Variants in DNAI7 observed in about 807,000 individuals in gnomAD.
The protein encoded by DNAI7 is cancer susceptibility 1.
A neutral mutation model predicts 86.6 loss-of-function variants in DNAI7; 78 were observed. That is an observed-to-expected ratio of 0.90 (90% CI 0.75 to 1.09). The LOEUF (loss-of-function observed/expected upper bound fraction) is 1.09. DNAI7 is among the 50% of genes least tolerant of loss of function. The probability of loss-of-function intolerance (pLI) is 0.00; values close to 1 mark genes in which losing one functional copy is unlikely to be tolerated. For missense variants in DNAI7, 753 were observed against 810.2 expected (o/e 0.93, Z 0.86); for synonymous variants, 274 against 273.0 (o/e 1.00, Z -0.04).
At chr12:25,113,456 C>T (rs187699865) in intron 13 of DNAI7, among the ~76,000 whole-genome samples, 1 of 152,194 alleles carries the variant, frequency 6.6e-6, no homozygotes, top group East Asian at 1.9e-4. Flanking sequence ...CGTGTGCCAC[C>T]ATGCCTGGCT....
chr12:25,108,933 G>A (rs548587822), intron 15 of DNAI7, 110 bp from the exon 16 acceptor site: 3 of 664,252 alleles, frequency 4.5e-6, no homozygotes, highest in African/African-American at 1.8e-5. Flanking sequence ...AATTGCAAAG[G>A]TTAAAAGAAA....
At chr12:25,172,382 A>ATTT (rs1948237861) in intron 2 of DNAI7, among the ~76,000 whole-genome samples, 1 of 152,184 alleles carries the variant, frequency 6.6e-6, no homozygotes, top group Non-Finnish European at 1.5e-5. Flanking sequence ...ATACTTAGGA[A>ATTT]TATACCTAAC....
At chr12:25,158,097 C>T (rs1235702315) in intron 4 of DNAI7, among the ~76,000 whole-genome samples, 2 of 152,048 alleles carry the variant, frequency 1.3e-5, no homozygotes, top group African/African-American at 4.8e-5. Flanking sequence ...GGTGTGGTGG[C>T]AGGCACCTGT....
At chr12:25,146,958 T>C (rs1944921470) in intron 8 of DNAI7, 43 bp downstream of exon 8, 1 of 999,468 alleles carries the variant, frequency 1.0e-6, no homozygotes, top group East Asian at 2.4e-5. Context: ...TGGCTCAATG[T>C]CTTTCTTTCC....
intron 11 of DNAI7, among the ~76,000 whole-genome samples, chr12:25,120,317 G>GGGGAGAGAGAGA (rs1555156524): frequency 1.2e-5 from 1 of 80,766 alleles, no homozygotes; most frequent in Admixed American, 1.6e-4. Context: ...GCAGGAAGAG[G>GGGGAGAGAGAGA]GAGAGAGAGA....
chr12:25,117,710 T>C (rs1321967617), intron 12 of DNAI7, among the ~76,000 whole-genome samples: 2 of 152,148 alleles, frequency 1.3e-5, no homozygotes, highest in Non-Finnish European at 2.9e-5. Context: ...TAATGTCCCA[T>C]GGCTCAAAAA....
chr12:25,154,484 A>C, intron 5 of DNAI7, 28 bp from the exon 6 acceptor site: 1 of 1,585,130 alleles, frequency 6.3e-7, no homozygotes, highest in Non-Finnish European at 8.5e-7. Flanking sequence ...TTAAAGGTTC[A>C]CATTGATGAA....
At chr12:25,120,488 C>T (rs1592230243) in intron 11 of DNAI7, among the ~76,000 whole-genome samples, 1 of 151,756 alleles carries the variant, frequency 6.6e-6, no homozygotes. Context: ...TTTGGGAGGC[C>T]GAGGCGGGCG....
At chr12:25,194,357 G>A (rs1227587547) in intron 1 of DNAI7, among the ~76,000 whole-genome samples, 2 of 152,040 alleles carry the variant, frequency 1.3e-5, no homozygotes, top group African/African-American at 2.4e-5. Flanking sequence ...GGTATTCTTG[G>A]CTTCTAGCCC....
chr12:25,120,494 G>A (rs1941100508), intron 11 of DNAI7, among the ~76,000 whole-genome samples: 2 of 152,094 alleles, frequency 1.3e-5, no homozygotes, highest in South Asian at 2.1e-4. Context: ...AGGCCGAGGC[G>A]GGCGGATCAC....
chr12:25,174,626 G>GAAT (rs1948724900), intron 2 of DNAI7, among the ~76,000 whole-genome samples: 1 of 74,446 alleles, frequency 1.3e-5, no homozygotes, highest in African/African-American at 6.3e-5. Flanking sequence ...ATATATATGG[G>GAAT]ATATATATCA....
At chr12:25,129,644 C>T (rs1243901123) in intron 9 of DNAI7, among the ~76,000 whole-genome samples, 3 of 152,188 alleles carry the variant, frequency 2.0e-5, no homozygotes, top group Non-Finnish European at 4.4e-5. Flanking sequence ...AGAATAACTT[C>T]CTTTCCTTCC....
At chr12:25,130,507 G>A (rs190424289) in intron 9 of DNAI7, among the ~76,000 whole-genome samples, 2,159 of 150,430 alleles carry the variant, frequency 0.014, 21 homozygotes, top group African/African-American at 0.033. Flanking sequence ...ACTGCACTCC[G>A]GCCTGGGCGA....
chr12:25,114,674 C>T lies in DNAI7; in HGVS notation c.1593G>A (p.Glu531=), dbSNP rs149008380. Residue 531 remains glutamate (E), a synonymous_variant, in exon 13 of 16, where the codon GAG becomes GAA. Coordinates refer to ENST00000395987, the MANE Select transcript of DNAI7 (RefSeq NM_018272.5). Reference sequence around the variant, plus strand: ...AACTCACCTTAATTTGTATTTGAATCTCAGTAAATACTGTAGTCACAGTTA... The same window carrying T: ...AACTCACCTTAATTTGTATTTGAATTTCAGTAAATACTGTAGTCACAGTTA... ...VLLTVTTVFT[E]IQIQIKENLC... is the part of the protein sequence containing the mutation. 37 of 1,609,406 alleles carry T rather than the reference C, an allele frequency of 2.3e-5. No individual in the cohort carries two copies. Among genetic ancestry groups the T allele is most frequent in the African/African-American group, 4.0e-5 (3 of 74,820 alleles).
chr12:25,179,399 C>A (rs1949286884), intron 2 of DNAI7, among the ~76,000 whole-genome samples: 1 of 152,158 alleles, frequency 6.6e-6, no homozygotes, highest in Admixed American at 6.5e-5. Flanking sequence ...TTGCTCCAAT[C>A]TTCTAAATCC....
intron 2 of DNAI7, among the ~76,000 whole-genome samples, chr12:25,177,966 C>G (rs1949125082): frequency 6.6e-6 from 1 of 152,182 alleles, no homozygotes; most frequent in South Asian, 2.1e-4. Flanking sequence ...TAAACCAACT[C>G]TCCCTTCCTG....
intron 9 of DNAI7, among the ~76,000 whole-genome samples, chr12:25,134,401 G>C (rs533611446): frequency 1.7e-5 from 2 of 115,118 alleles, no homozygotes; most frequent in Non-Finnish European, 3.2e-5. Flanking sequence ...CTGTCGCCCA[G>C]GCTAGAGTGC....
intron 4 of DNAI7, among the ~76,000 whole-genome samples, chr12:25,157,422 A>G (rs2140991695): frequency 6.6e-6 from 1 of 152,214 alleles, no homozygotes; most frequent in South Asian, 2.1e-4. Flanking sequence ...ACAAAACAAC[A>G]TATTGCAACA....
chr12:25,114,072 A>C (rs1196753503), intron 13 of DNAI7, among the ~76,000 whole-genome samples: 1 of 149,878 alleles, frequency 6.7e-6, no homozygotes, highest in African/African-American at 2.5e-5. Context: ...CAGCCTCCTG[A>C]GTAGCTGGGA....
Sources: allele counts gnomAD v4.1 joint callset (sites outside exome capture counted in the v4.1 genomes callset), GRCh38; gene constraint gnomAD v4.1.1; transcripts MANE v1.5; gene names NCBI Gene and HGNC (gene_info 2026-07-23, HGNC 2026-07-21).